PDE10A: variants seen among roughly 807,000 people sequenced by gnomAD.
PDE10A encodes the protein phosphodiesterase 10A, also known as cAMP and cAMP-inhibited cGMP 3',5'-cyclic phosphodiesterase 10A.
A neutral mutation model predicts 97.7 loss-of-function variants in PDE10A; 39 were observed. That is an observed-to-expected ratio of 0.40 (90% CI 0.31 to 0.52). PDE10A has a LOEUF of 0.52. PDE10A is among the 20% of genes least tolerant of loss of function. The pLI is 0.56. For synonymous variants in PDE10A, 371 were observed against 376.8 expected, an observed-to-expected ratio of 0.98 and a Z score of 0.18; for missense variants, 731 against 1,047.8, an observed-to-expected ratio of 0.70 and a Z score of 4.17.
At chr6:165,424,063 G>A (rs1260751290) in intron 10 of PDE10A, among the ~76,000 whole-genome samples, 1 of 152,032 alleles carries the variant, frequency 6.6e-6, no homozygotes, top group Non-Finnish European at 1.5e-5. Context: ...GGCCCTTCCA[G>A]GACCTTTCTA....
chr6:165,738,715 T>G (rs1792644982), intron 1 of PDE10A, among the ~76,000 whole-genome samples: 1 of 152,142 alleles, frequency 6.6e-6, no homozygotes, highest in Non-Finnish European at 1.5e-5. Flanking sequence ...CTAACTGGTG[T>G]GAGATGATAT....
chr6:165,586,712 T>C (rs1785934842), intron 1 of PDE10A, among the ~76,000 whole-genome samples: 1 of 152,218 alleles, frequency 6.6e-6, no homozygotes, highest in African/African-American at 2.4e-5. Flanking sequence ...CCAAAATCCA[T>C]GATTCTTAAT....
At chr6:165,742,981 A>G (rs1195889865) in intron 1 of PDE10A, among the ~76,000 whole-genome samples, 1 of 152,200 alleles carries the variant, frequency 6.6e-6, no homozygotes, top group Non-Finnish European at 1.5e-5. Flanking sequence ...TAGGAAAAAG[A>G]AAAAGCACTG....
intron 1 of PDE10A, among the ~76,000 whole-genome samples, chr6:165,867,725 A>T (rs1042455565): frequency 6.6e-6 from 1 of 152,116 alleles, no homozygotes; most frequent in Non-Finnish European, 1.5e-5. Flanking sequence ...CAGAATACGC[A>T]TTCTCCTTAT....
intron 1 of PDE10A, among the ~76,000 whole-genome samples, chr6:165,954,609 C>T (rs936927617): frequency 1.3e-5 from 2 of 152,132 alleles, no homozygotes; most frequent in Non-Finnish European, 2.9e-5. Flanking sequence ...CAGGGTCTCT[C>T]CGTCCTCCCT....
chr6:165,648,658 C>T lies in PDE10A; in HGVS notation c.865+13289G>A, dbSNP rs545858141. Among the ~76,000 whole-genome samples the T allele has an allele frequency of 5.3e-5, 8 of 152,054 alleles. No individual in the cohort carries two copies. The East Asian group carries it at 1.5e-3, about 29-fold the overall frequency. On this transcript the variant is annotated intron_variant, in intron 1 of 21. Transcript: ENST00000539869. Reference sequence around the variant, plus strand: ...TTGCTGAAATACATTCAAAAATGGACCAACACAAAACAAAGAAAATTCAAA... The same window carrying T: ...TTGCTGAAATACATTCAAAAATGGATCAACACAAAACAAAGAAAATTCAAA...
chr6:165,808,274 T>C (rs772871292), intron 1 of PDE10A, among the ~76,000 whole-genome samples: 8 of 152,192 alleles, frequency 5.3e-5, no homozygotes, highest in Non-Finnish European at 1.2e-4. Flanking sequence ...ATGAATTATG[T>C]CTTTAATAGT....
At chr6:165,767,424 G>A (rs558430062) in intron 1 of PDE10A, among the ~76,000 whole-genome samples, 4 of 152,230 alleles carry the variant, frequency 2.6e-5, no homozygotes, top group East Asian at 3.9e-4. Context: ...CTCCACATCC[G>A]TTGGCAGCCA....
chr6:165,425,493 A>C (rs1203015964), intron 10 of PDE10A, among the ~76,000 whole-genome samples: 1 of 152,162 alleles, frequency 6.6e-6, no homozygotes, highest in Non-Finnish European at 1.5e-5. Flanking sequence ...ACATACCTGC[A>C]TGATAAAAAC....
intron 5 of PDE10A, among the ~76,000 whole-genome samples, chr6:165,436,815 G>C (rs1562466103): frequency 6.6e-6 from 1 of 152,164 alleles, no homozygotes; most frequent in East Asian, 1.9e-4. Flanking sequence ...ACATGGCATA[G>C]AGTAAGACTA....
chr6:165,381,567 C>A (rs1042008055), intron 17 of PDE10A, among the ~76,000 whole-genome samples: 3 of 151,828 alleles, frequency 2.0e-5, no homozygotes, highest in Admixed American at 1.3e-4. Flanking sequence ...TGGATTCAAG[C>A]GATTCTCCTG....
intron 1 of PDE10A, among the ~76,000 whole-genome samples, chr6:165,913,896 G>T (rs1241763231): frequency 2.0e-5 from 3 of 152,224 alleles, no homozygotes; most frequent in African/African-American, 7.2e-5. Flanking sequence ...TTCGCAAAGA[G>T]ATTTTATCTT....
At chr6:165,355,540 A>C (rs1371271466) in intron 18 of PDE10A, among the ~76,000 whole-genome samples, 1 of 152,182 alleles carries the variant, frequency 6.6e-6, no homozygotes, top group Non-Finnish European at 1.5e-5. Flanking sequence ...ATAACTTTAA[A>C]AATTGCTGAA....
chr6:165,880,019 G>A (rs1056838167), intron 1 of PDE10A, among the ~76,000 whole-genome samples: 3 of 152,028 alleles, frequency 2.0e-5, no homozygotes, highest in Admixed American at 2.0e-4. Flanking sequence ...ACCAATAGTG[G>A]AGGAAACAGA....
chr6:165,905,795 C>A (rs913091671), intron 1 of PDE10A, among the ~76,000 whole-genome samples: 1 of 151,992 alleles, frequency 6.6e-6, no homozygotes, highest in Non-Finnish European at 1.5e-5. Context: ...CTGCATGCAA[C>A]AGTGACAGCA....
intron 18 of PDE10A, among the ~76,000 whole-genome samples, chr6:165,377,366 ACT>A (rs1413700825): frequency 3.3e-5 from 5 of 151,922 alleles, no homozygotes; most frequent in Non-Finnish European, 5.9e-5. Flanking sequence ...ATAGAATATT[ACT>A]CTTTTTTATA....
chr6:165,965,666 G>C (rs188119373), intron 1 of PDE10A, among the ~76,000 whole-genome samples: 39 of 152,164 alleles, frequency 2.6e-4, no homozygotes, highest in Non-Finnish European at 5.0e-4. Context: ...GTGGCTTTGG[G>C]TTTATCCTTG....
chr6:165,845,606 C>T (rs555213093), intron 1 of PDE10A, among the ~76,000 whole-genome samples: 2 of 152,318 alleles, frequency 1.3e-5, no homozygotes, highest in South Asian at 2.1e-4. Context: ...GAAACAGCTA[C>T]GGTCAGGCCA....
At chr6:165,590,162 T>C (rs1345466694) in intron 1 of PDE10A, among the ~76,000 whole-genome samples, 1 of 152,202 alleles carries the variant, frequency 6.6e-6, no homozygotes, top group Non-Finnish European at 1.5e-5. Context: ...GGTTCCGGGA[T>C]AGAATCTAGA....
Sources: allele counts gnomAD v4.1 joint callset (sites outside exome capture counted in the v4.1 genomes callset), GRCh38; gene constraint gnomAD v4.1.1; transcripts MANE v1.5; gene names NCBI Gene and HGNC (gene_info 2026-07-23, HGNC 2026-07-21).